The following BMPR1B variants were observed in gnomAD, a reference collection of about 807,000 sequenced individuals.
The protein encoded by BMPR1B is bone morphogenetic protein receptor type-1B.
In BMPR1B, 12 loss-of-function variants were observed where a neutral mutation model predicts 59.1. The observed-to-expected ratio is 0.20, with a 90% CI of 0.13 to 0.33. BMPR1B has a LOEUF of 0.33. Among genes scored for constraint, BMPR1B ranks in the 10% least tolerant of loss-of-function variants. The pLI is 1.00. For missense variants in BMPR1B, 550 were observed against 610.9 expected (o/e 0.90, Z 1.05); for synonymous variants, 237 against 207.3 (o/e 1.14, Z -1.23).
chr4:95,077,352 C>T (rs1274273583), intron 3 of BMPR1B, among the ~76,000 whole-genome samples: 1 of 152,076 alleles, frequency 6.6e-6, no homozygotes, highest in African/African-American at 2.4e-5. Context: ...TTTAGACAAA[C>T]GGGAATACTT....
intron 3 of BMPR1B, among the ~76,000 whole-genome samples, chr4:95,033,062 T>C (rs1411435317): frequency 6.6e-6 from 1 of 152,164 alleles, no homozygotes; most frequent in Non-Finnish European, 1.5e-5. Context: ...ATTTACCTAG[T>C]TATTAGTGAC....
At chr4:94,824,791 AT>A (rs1300387111) in intron 1 of BMPR1B, among the ~76,000 whole-genome samples, 2 of 152,172 alleles carry the variant, frequency 1.3e-5, no homozygotes, top group Non-Finnish European at 2.9e-5. Flanking sequence ...TATTGGGTAA[AT>A]TTTTATTTTA....
At chr4:94,770,186 GTTTTTT>G (rs56902521) in intron 1 of BMPR1B, among the ~76,000 whole-genome samples, 3 of 54,138 alleles carry the variant, frequency 5.5e-5, no homozygotes, top group Non-Finnish European at 1.1e-4. Context: ...TTCTGTGTTT[GTTTTTT>G]TTTTTTTTTT....
intron 3 of BMPR1B, among the ~76,000 whole-genome samples, chr4:95,073,248 A>G (rs1348749460): frequency 6.6e-6 from 1 of 152,152 alleles, no homozygotes; most frequent in East Asian, 1.9e-4. Context: ...ATTTGGGAAC[A>G]CGGAATTGCC....
Position 94,835,759 on chromosome 4 carries a change from TTTTTC to T in BMPR1B, c.-182-40067_-182-40063del, listed in dbSNP as rs536077899. On this transcript the variant is annotated intron_variant, in intron 1 of 12. Transcript: ENST00000515059. ...CCATTTAGGAGTTATCTAAATAAAT[TTTTTC>T]TTTTATTATTATACTTTAAGTTTTA... Among the ~76,000 whole-genome samples the T allele has an allele frequency of 3.0e-3, 454 of 152,192 alleles. 2 individuals carry two copies. Among genetic ancestry groups the T allele is most frequent in the Middle Eastern group, 6.8e-3 (2 of 294 alleles).
chr4:95,037,160 G>A (rs1183228535), intron 3 of BMPR1B, among the ~76,000 whole-genome samples: 2 of 152,150 alleles, frequency 1.3e-5, no homozygotes, highest in Admixed American at 6.5e-5. Flanking sequence ...TTCCGTGTTA[G>A]TGGAGTGCTA....
chr4:94,798,121 A>G (rs1392522373), intron 1 of BMPR1B, among the ~76,000 whole-genome samples: 1 of 152,226 alleles, frequency 6.6e-6, no homozygotes, highest in Non-Finnish European at 1.5e-5. Context: ...TTGTGACTCA[A>G]CTAGGATCAA....
intron 1 of BMPR1B, among the ~76,000 whole-genome samples, chr4:94,806,102 G>C (rs530573458): frequency 1.6e-4 from 25 of 152,302 alleles, no homozygotes; most frequent in Middle Eastern, 3.4e-3. Flanking sequence ...GGGAGAACTT[G>C]TAAGTGTGGT....
chr4:94,960,556 T>C lies in BMPR1B; in HGVS notation c.-112-35484T>C, dbSNP rs28505212. Among the ~76,000 whole-genome samples the C allele has an allele frequency of 7.4e-3, 1,121 of 152,234 alleles. 16 individuals carry two copies. The highest frequency in any genetic ancestry group is 0.026 in the African/African-American group (1,075 of 41,558). On this transcript the variant is annotated intron_variant, in intron 2 of 12. Coordinates refer to ENST00000515059, the MANE Select transcript of BMPR1B (RefSeq NM_001203.3). ...GCTTTAATTTTAAAAACAAAAGCTC[T>C]ACTGTTTCTAGCCAGAAAACCAAAT...
intron 6 of BMPR1B, among the ~76,000 whole-genome samples, chr4:95,120,729 CTT>C (rs1268952910): frequency 1.3e-5 from 2 of 149,026 alleles, no homozygotes; most frequent in African/African-American, 2.5e-5. Context: ...CTCTCTCTCT[CTT>C]TCTGTCTGTC....
At chr4:95,102,764 A>G (rs1730912944) in intron 3 of BMPR1B, among the ~76,000 whole-genome samples, 1 of 152,140 alleles carries the variant, frequency 6.6e-6, no homozygotes, top group Admixed American at 6.6e-5. Flanking sequence ...TAACCTAAGG[A>G]CGAGCATACT....
intron 3 of BMPR1B, among the ~76,000 whole-genome samples, chr4:95,083,416 A>G (rs1433610947): frequency 1.3e-5 from 2 of 152,298 alleles, no homozygotes; most frequent in Middle Eastern, 3.4e-3. Flanking sequence ...TTGTTGTAGA[A>G]GCAAAAAAAA....
At chr4:94,799,713 C>T (rs373391487) in intron 1 of BMPR1B, among the ~76,000 whole-genome samples, 4 of 151,576 alleles carry the variant, frequency 2.6e-5, no homozygotes, top group African/African-American at 9.7e-5. Context: ...TGTTCTGAGA[C>T]AGAGTCTCAC....
chr4:95,112,106 CAATT>C (rs1209994677), intron 4 of BMPR1B, among the ~76,000 whole-genome samples: 2 of 152,068 alleles, frequency 1.3e-5, no homozygotes, highest in Non-Finnish European at 2.9e-5. Context: ...AATGTTACAT[CAATT>C]GTCTTTTTAT....
chr4:94,957,425 T>C (rs551649813), intron 2 of BMPR1B, among the ~76,000 whole-genome samples: 1 of 151,778 alleles, frequency 6.6e-6, no homozygotes. Context: ...CTTTTTGTCT[T>C]TTCATTTTCT....
chr4:94,762,597 C>T (rs191645846), intron 1 of BMPR1B, among the ~76,000 whole-genome samples: 104 of 152,228 alleles, frequency 6.8e-4, no homozygotes, highest in African/African-American at 2.2e-3. Context: ...TGGCGAGGTT[C>T]GTAGTATAAA....
chr4:94,877,931 C>T (rs1411824709), intron 2 of BMPR1B, among the ~76,000 whole-genome samples: 3 of 151,960 alleles, frequency 2.0e-5, no homozygotes, highest in Non-Finnish European at 4.4e-5. Context: ...TTTTATATTT[C>T]CTGTGTTTGT....
intron 3 of BMPR1B, among the ~76,000 whole-genome samples, chr4:95,066,759 A>T (rs1451558315): frequency 1.3e-5 from 2 of 152,168 alleles, no homozygotes; most frequent in Non-Finnish European, 2.9e-5. Flanking sequence ...CTGAATCAAA[A>T]ACCTTAGGGG....
chr4:95,095,660 G>C (rs1468295930), intron 3 of BMPR1B, among the ~76,000 whole-genome samples: 1 of 152,014 alleles, frequency 6.6e-6, no homozygotes, highest in African/African-American at 2.4e-5. Context: ...ATTATTAGTA[G>C]ACCTTGTATG....
Sources: gnomAD v4.1 joint callset for allele counts (sites outside exome capture counted in the v4.1 genomes callset) on GRCh38, gnomAD v4.1.1 for gene constraint, MANE v1.5 for transcripts, NCBI Gene and HGNC (gene_info 2026-07-23, HGNC 2026-07-21) for gene names.